The following AZIN2 variants were observed in gnomAD, a reference collection of about 807,000 sequenced individuals.
The protein encoded by AZIN2 is ODC antizyme inhibitor-2.
A neutral mutation model predicts 47.8 loss-of-function variants in AZIN2; 28 were observed. The ratio of observed to expected loss-of-function variants is 0.59; its 90% CI spans 0.43 to 0.80. The LOEUF is 0.80. Ranked by LOEUF, AZIN2 falls within the 30% of genes least tolerant of loss-of-function variation. The probability of loss-of-function intolerance (pLI) is 0.00; values close to 1 mark genes in which losing one functional copy is unlikely to be tolerated. For synonymous variants in AZIN2, 221 were observed against 239.4 expected, an observed-to-expected ratio of 0.92 and a Z score of 0.71; for missense variants, 535 against 582.5, an observed-to-expected ratio of 0.92 and a Z score of 0.84.
In AZIN2 at chr1:33,120,261, G is replaced by A. The variant is rs1245734229; in HGVS notation, c.*79G>A. 5.2e-6 allele frequency: 8 copies of A among 1,530,798 alleles called. No individual in the cohort carries two copies. The highest frequency in any genetic ancestry group is 7.0e-6 in the Non-Finnish European group (8 of 1,136,652). The allele number at this position is 1,530,798 out of a possible 1,614,324, so 94.8% of individuals were successfully genotyped here. On this transcript the variant is annotated 3_prime_UTR_variant, in exon 12 of 12. Coordinates refer to ENST00000294517, the MANE Select transcript of AZIN2 (RefSeq NM_052998.4). Reference sequence around the variant, plus strand: ...GAGAGGTGGGGAAGATGGCAGGCAAGGGTACCCTTGGCCAGGACTCTGGTG... The same window carrying A: ...GAGAGGTGGGGAAGATGGCAGGCAAAGGTACCCTTGGCCAGGACTCTGGTG...
rs1641601684 is a variant in AZIN2, at chr1:33,084,134, C to G, written c.279+7C>G. On this transcript the variant is annotated splice_region_variant and intron_variant, in intron 5 of 11. Transcript: ENST00000294517. The stretch of plus-strand genomic sequence containing the variant: ...CTTTAGCTGTGCCAACAAGGTGAGC[C>G]CTGCCCGCACGGTGCACTGACCCTC... 4 of 1,607,618 alleles carry G rather than the reference C, an allele frequency of 2.5e-6. No homozygotes were observed. Among genetic ancestry groups the G allele is most frequent in the Non-Finnish European group, 3.4e-6 (4 of 1,179,960 alleles).
chr1:33,165,555 C>G, the AZIN2 span: 7 of 1,608,214 alleles, frequency 4.4e-6, no homozygotes, highest in Non-Finnish European at 5.9e-6. The surrounding 1 kb of genome is among the most constrained non-coding windows in gnomAD (Gnocchi z 4.0). Flanking sequence ...GAAGTTGGTC[C>G]TTCAGCTCCC....
chr1:33,099,866 C>T (rs1163340346), intron 10 of AZIN2, among the ~76,000 whole-genome samples: 1 of 152,246 alleles, frequency 6.6e-6, no homozygotes, highest in Non-Finnish European at 1.5e-5. Context: ...AATAAGTTAA[C>T]TCCTGTGGTG....
chr1:33,158,408 G>T, the AZIN2 span: 1 of 1,582,562 alleles, frequency 6.3e-7, no homozygotes, highest in Admixed American at 1.7e-5. Context: ...CCAGGGACTG[G>T]ATTCCTGCCC....
chr1:33,166,405 C>T, the AZIN2 span: 3 of 151,274 alleles, frequency 2.0e-5, no homozygotes, highest in Admixed American at 2.0e-4. Context: ...AGGTTGGGGA[C>T]CACTGCTCTA....
chr1:33,121,556 C>T lies in AZIN2; in HGVS notation c.*1374C>T, dbSNP rs558691402. ...TTGCACCACTGCACTCCAGCCTGGG[C>T]GACTGAGCGAGACCCTGCCTCAAAT... On this transcript the variant is annotated 3_prime_UTR_variant, in exon 12 of 12. Coordinates refer to ENST00000294517, the MANE Select transcript of AZIN2 (RefSeq NM_052998.4). Among the ~76,000 whole-genome samples, 4 of 152,214 alleles carry T rather than the reference C, an allele frequency of 2.6e-5. No homozygotes were observed. Among genetic ancestry groups the T allele is most frequent in the Non-Finnish European group, 4.4e-5 (3 of 68,004 alleles).
rs1372717745 is a variant in AZIN2, at chr1:33,123,308, A to G, written c.*3126A>G. Reference sequence around the variant, plus strand: ...ACATAACTCCATAATGTGTTCCATAACACAAGGGCAACTGTCAGCCCTTCT... The same window carrying G: ...ACATAACTCCATAATGTGTTCCATAGCACAAGGGCAACTGTCAGCCCTTCT... On this transcript the variant is annotated 3_prime_UTR_variant, in exon 12 of 12. Coordinates refer to ENST00000294517, the MANE Select transcript of AZIN2 (RefSeq NM_052998.4). Among the ~76,000 whole-genome samples, 1 of 152,216 alleles carries G rather than the reference A, an allele frequency of 6.6e-6. No individual in the cohort carries two copies. The highest frequency in any genetic ancestry group is 2.4e-5 in the African/African-American group (1 of 41,450).
chr1:33,120,145 G>A lies in AZIN2; in HGVS notation c.1346G>A (p.Cys449Tyr). 2 of 1,613,548 alleles carry A rather than the reference G, an allele frequency of 1.2e-6. No individual in the cohort carries two copies. Among genetic ancestry groups the A allele is most frequent in the Non-Finnish European group, 1.7e-6 (2 of 1,179,556 alleles). ...GGCTGGGAGATCACAGACACCCTGT[G>A]CGTGGGCCCTGTCTTCACCCCAGCG... ...SCGWEITDTL[C>Y]VGPVFTPASI... Residue 449 changes from cysteine (C) to tyrosine (Y), a missense_variant, in exon 12 of 12, where the codon TGC becomes TAC. Around this residue, in one of 3 missense-constraint regions of AZIN2, gnomAD observed 122 missense variants for 135.8 expected, o/e 0.90. Coordinates refer to ENST00000294517, the MANE Select transcript of AZIN2 (RefSeq NM_052998.4).
At chr1:33,132,830 C>A in the AZIN2 span, among the ~76,000 whole-genome samples, 2 of 152,174 alleles carry the variant, frequency 1.3e-5, no homozygotes, top group Admixed American at 1.3e-4. Flanking sequence ...GTCCTGAGAT[C>A]TTGGGTAGTG....
the AZIN2 span, chr1:33,146,271 C>T: frequency 5.0e-6 from 1 of 198,350 alleles, no homozygotes; most frequent in South Asian, 8.3e-5. Flanking sequence ...AGATAGATGC[C>T]AAGTCTGACA....
At chr1:33,159,045 A>C in the AZIN2 span, among the ~76,000 whole-genome samples, 7 of 151,710 alleles carry the variant, frequency 4.6e-5, no homozygotes, top group Admixed American at 4.6e-4. The surrounding 1 kb of genome is among the most constrained non-coding windows in gnomAD (Gnocchi z 4.2). Context: ...GGGTTTCACC[A>C]TGTTAGTCAG....
the AZIN2 span, among the ~76,000 whole-genome samples, chr1:33,131,721 T>C: frequency 1.3e-5 from 2 of 152,170 alleles, no homozygotes; most frequent in Non-Finnish European, 2.9e-5. Context: ...ATTTTGGCTA[T>C]TAGAAAATTT....
At chr1:33,108,062 G>A (rs1163845692) in intron 10 of AZIN2, among the ~76,000 whole-genome samples, 1 of 152,164 alleles carries the variant, frequency 6.6e-6, no homozygotes, top group Non-Finnish European at 1.5e-5. Flanking sequence ...CACATTATCT[G>A]ATTTCAAAAT....
chr1:33,112,650 T>C (rs932594896), intron 10 of AZIN2, among the ~76,000 whole-genome samples: 1 of 152,212 alleles, frequency 6.6e-6, no homozygotes, highest in Admixed American at 6.5e-5. Flanking sequence ...AAATTTTATC[T>C]TTCTTCAGTT....
the AZIN2 span, among the ~76,000 whole-genome samples, chr1:33,136,494 G>A: frequency 3.3e-5 from 5 of 151,520 alleles, no homozygotes; most frequent in Admixed American, 2.0e-4. Context: ...TCAGCCTACC[G>A]AGTAGCTGGG....
chr1:33,090,810 A>G (rs1247592494), intron 5 of AZIN2, among the ~76,000 whole-genome samples: 1 of 152,106 alleles, frequency 6.6e-6, no homozygotes, highest in East Asian at 1.9e-4. Flanking sequence ...AATTCTCCTG[A>G]CTAAAACTTT....
At chr1:33,097,331 CA>C (rs1187627180) in intron 9 of AZIN2, among the ~76,000 whole-genome samples, 1 of 152,168 alleles carries the variant, frequency 6.6e-6, no homozygotes, top group African/African-American at 2.4e-5. Flanking sequence ...ACAACATAGG[CA>C]GGGGGAGGCT....
At chr1:33,148,843 T>C in the AZIN2 span, among the ~76,000 whole-genome samples, 2 of 152,218 alleles carry the variant, frequency 1.3e-5, no homozygotes, top group Non-Finnish European at 2.9e-5. Flanking sequence ...ATTTGACAGA[T>C]GAGGAAACTG....
Position 33,096,796 on chromosome 1 carries a change from G to T in AZIN2, c.843G>T (p.Val281=), listed in dbSNP as rs1324657678. 6.2e-7 allele frequency: 1 copy of T among 1,614,208 alleles called. No homozygotes were observed. Among genetic ancestry groups the T allele is most frequent in the Non-Finnish European group, 8.5e-7 (1 of 1,180,040 alleles). ...TTGCTGAGCTGGGGCGCTACTACGT[G>T]ACCTCGGCCTTCACTGTGGCAGTCA... ...DIFAELGRYY[V]TSAFTVAVSI... The change falls in exon 9 of 12, where the codon GTG becomes GTT. Residue 281 remains valine (V), a synonymous_variant. Transcript: ENST00000294517.
Sources: allele counts gnomAD v4.1 joint callset (sites outside exome capture counted in the v4.1 genomes callset), GRCh38; gene constraint gnomAD v4.1.1; regional missense constraint gnomAD v4.1.1; non-coding constraint Gnocchi (gnomAD v3.1); transcripts MANE v1.5; gene names NCBI Gene and HGNC (gene_info 2026-07-23, HGNC 2026-07-21).